The following GPR158 variants were observed in gnomAD, a reference collection of about 807,000 sequenced individuals.
GPR158 encodes G protein-coupled receptor 158, also known as metabotropic glycine receptor.
In GPR158, 30 loss-of-function variants were observed where a neutral mutation model predicts 78.2. That is an observed-to-expected ratio of 0.38 (90% confidence interval 0.29 to 0.52). The LOEUF is 0.52. GPR158 is among the 20% of genes least tolerant of loss of function. The pLI is 0.83. For missense variants in GPR158, 1,463 were observed against 1,523.5 expected (o/e 0.96, Z 0.66); for synonymous variants, 581 against 591.1 (o/e 0.98, Z 0.25).
intron 2 of GPR158, among the ~76,000 whole-genome samples, chr10:25,312,065 G>A (rs1417688502): frequency 6.6e-6 from 1 of 151,890 alleles, no homozygotes; most frequent in Non-Finnish European, 1.5e-5. Context: ...ATTTGTAGTT[G>A]GAAAATGAGG....
intron 2 of GPR158, among the ~76,000 whole-genome samples, chr10:25,363,450 T>TCTGTG (rs2130537079): frequency 6.6e-6 from 1 of 152,078 alleles, no homozygotes; most frequent in Non-Finnish European, 1.5e-5. Flanking sequence ...ATCCATGGCC[T>TCTGTG]CACTACCCAG....
chr10:25,434,400 A>G (rs938854902), intron 4 of GPR158, among the ~76,000 whole-genome samples: 2 of 152,194 alleles, frequency 1.3e-5, no homozygotes, highest in African/African-American at 4.8e-5. Flanking sequence ...CAAATATGCT[A>G]AAAAAGAGCT....
At chr10:25,412,182 G>T in intron 3 of GPR158, 68 bp from the exon 4 acceptor site, 1 of 1,046,558 alleles carries the variant, frequency 9.6e-7, no homozygotes, top group South Asian at 1.3e-5. Flanking sequence ...GATGTCTTTT[G>T]ACTCTATACT....
intron 2 of GPR158, among the ~76,000 whole-genome samples, chr10:25,315,120 A>G (rs1329104177): frequency 2.6e-5 from 4 of 151,978 alleles, no homozygotes; most frequent in African/African-American, 9.6e-5. Flanking sequence ...TGAGGATGAA[A>G]AGTTTGATAT....
At chr10:25,381,055 G>A (rs1484430811) in intron 2 of GPR158, among the ~76,000 whole-genome samples, 1 of 152,190 alleles carries the variant, frequency 6.6e-6, no homozygotes, top group Admixed American at 6.5e-5. Context: ...GGAAACCCCA[G>A]TTGGTAAGTC....
At chr10:25,259,099 G>A (rs1232432343) in intron 2 of GPR158, among the ~76,000 whole-genome samples, 1 of 152,124 alleles carries the variant, frequency 6.6e-6, no homozygotes, top group Admixed American at 6.6e-5. Context: ...AGGAGGAGGA[G>A]GAAGAGGAGG....
chr10:25,225,897 G>T (rs1157593443), intron 2 of GPR158, among the ~76,000 whole-genome samples: 1 of 152,152 alleles, frequency 6.6e-6, no homozygotes, highest in Non-Finnish European at 1.5e-5. Context: ...TGGTATATGA[G>T]AAGAGGAATA....
In GPR158 at chr10:25,598,058, T is replaced by C; in HGVS notation, c.2432T>C (p.Val811Ala). Reference protein sequence around the residue: ...KSKEETLKNRVFSLKKSHSTY... With the variant: ...KSKEETLKNRAFSLKKSHSTY... ...AAGGAGGAGACCCTGAAAAACCGAG[T>C]CTTCTCACTCAAGAAATCCCACAGC... The change falls in exon 11 of 11, where the codon GTC becomes GCC. Residue 811 changes from valine (V) to alanine (A), a missense_variant. Physicochemically the swap from Val to Ala is moderately conservative, Grantham distance 64. Transcript: ENST00000376351. 1.9e-6 allele frequency: 3 copies of C among 1,613,582 alleles called. No individual in the cohort carries two copies. The highest frequency in any genetic ancestry group is 2.5e-6 in the Non-Finnish European group (3 of 1,179,940).
chr10:25,335,895 C>T (rs1855198613), intron 2 of GPR158, among the ~76,000 whole-genome samples: 1 of 151,932 alleles, frequency 6.6e-6, no homozygotes, highest in African/African-American at 2.4e-5. Context: ...GGAAATAAAA[C>T]AATCCTTTCT....
intron 5 of GPR158, among the ~76,000 whole-genome samples, chr10:25,519,719 T>C (rs1435797983): frequency 5.5e-5 from 7 of 127,516 alleles, no homozygotes; most frequent in Non-Finnish European, 3.1e-5. Context: ...TCTTCTGGCT[T>C]GTAGGGTTTC....
At chr10:25,181,783 T>A (rs1248472038) in intron 1 of GPR158, among the ~76,000 whole-genome samples, 2 of 152,144 alleles carry the variant, frequency 1.3e-5, no homozygotes, top group Non-Finnish European at 2.9e-5. Context: ...AGTGGCACGA[T>A]CTCAGGTCAC....
At chr10:25,211,783 G>C (rs1201562219) in intron 1 of GPR158, among the ~76,000 whole-genome samples, 1 of 152,136 alleles carries the variant, frequency 6.6e-6, no homozygotes, top group African/African-American at 2.4e-5. Flanking sequence ...CTGTGTACAT[G>C]GTATTGGGTA....
chr10:25,466,239 CTAATCAAGCTGTAA>C (rs1322716770), intron 4 of GPR158: 1 of 158,386 alleles, frequency 6.3e-6, no homozygotes, highest in African/African-American at 2.4e-5. Context: ...GTGTATTTGT[CTAATCAAGCTGTAA>C]CCCTCGCCGC....
At chr10:25,316,765 C>T (rs1333814105) in intron 2 of GPR158, among the ~76,000 whole-genome samples, 1 of 151,708 alleles carries the variant, frequency 6.6e-6, no homozygotes, top group African/African-American at 2.4e-5. Context: ...AATCACATAC[C>T]ATGCTTGTGA....
chr10:25,318,905 C>T (rs762548296), intron 2 of GPR158, among the ~76,000 whole-genome samples: 57 of 152,256 alleles, frequency 3.7e-4, no homozygotes, highest in Middle Eastern at 6.8e-3. Flanking sequence ...TGTGTCCTGC[C>T]TTTGAAATGT....
At chr10:25,557,068 T>C (rs530392178) in intron 6 of GPR158, among the ~76,000 whole-genome samples, 1 of 152,226 alleles carries the variant, frequency 6.6e-6, no homozygotes, top group South Asian at 2.1e-4. Flanking sequence ...TTAACAAATA[T>C]AAATTTTCTT....
chr10:25,289,055 T>G (rs1854395427), intron 2 of GPR158, among the ~76,000 whole-genome samples: 1 of 152,234 alleles, frequency 6.6e-6, no homozygotes, highest in Admixed American at 6.5e-5. Flanking sequence ...GTTTTGTGAC[T>G]TACAAGCAAC....
At chr10:25,443,801 C>T (rs539463752) in intron 4 of GPR158, among the ~76,000 whole-genome samples, 65 of 152,030 alleles carry the variant, frequency 4.3e-4, no homozygotes, top group East Asian at 3.9e-3. Flanking sequence ...ACTTTTCTCC[C>T]TCTGCCATCA....
intron 5 of GPR158, among the ~76,000 whole-genome samples, chr10:25,547,507 C>T (rs2130709382): frequency 6.6e-6 from 1 of 152,276 alleles, no homozygotes; most frequent in Middle Eastern, 3.4e-3. Context: ...AACACTTAAG[C>T]CTGTTCCTCC....
Sources: gnomAD v4.1 joint callset for allele counts (sites outside exome capture counted in the v4.1 genomes callset) on GRCh38, gnomAD v4.1.1 for gene constraint, MANE v1.5 for transcripts, NCBI Gene and HGNC (gene_info 2026-07-23, HGNC 2026-07-21) for gene names.